APPBP2: variants seen among roughly 807,000 people sequenced by gnomAD.
APPBP2 encodes amyloid beta precursor protein binding protein 2.
Under a neutral mutation model 76.0 loss-of-function variants are expected in APPBP2, and 15 were observed. The ratio of observed to expected loss-of-function variants is 0.20; its 90% CI spans 0.13 to 0.30. The LOEUF (loss-of-function observed/expected upper bound fraction) is 0.30, where lower values mean the gene tolerates loss of function less well. Ranked by LOEUF, APPBP2 falls within the 10% of genes least tolerant of loss-of-function variation. APPBP2 has a pLI of 1.00. For synonymous variants in APPBP2, 222 were observed against 242.2 expected, an observed-to-expected ratio of 0.92 and a Z score of 0.77; for missense variants, 401 against 687.2, an observed-to-expected ratio of 0.58 and a Z score of 4.66.
intron 1 of APPBP2, among the ~76,000 whole-genome samples, chr17:60,503,383 G>T (rs1357064391): frequency 6.9e-6 from 1 of 145,238 alleles, no homozygotes; most frequent in Non-Finnish European, 1.5e-5. Flanking sequence ...TCTAAAAAAT[G>T]CAAAGTAATT....
intron 1 of APPBP2, among the ~76,000 whole-genome samples, chr17:60,520,144 T>C (rs751203927): frequency 6.6e-6 from 1 of 152,132 alleles, no homozygotes; most frequent in Non-Finnish European, 1.5e-5. Context: ...TATGTAGCTA[T>C]ACAACTGAAA....
intron 2 of APPBP2, among the ~76,000 whole-genome samples, chr17:60,500,091 A>G (rs2090810309): frequency 6.6e-6 from 1 of 151,188 alleles, no homozygotes; most frequent in Admixed American, 6.6e-5. Context: ...GGCTCACTGC[A>G]AGCTCCGCCT....
At chr17:60,493,057 G>A (rs2143427940) in intron 3 of APPBP2, among the ~76,000 whole-genome samples, 1 of 152,282 alleles carries the variant, frequency 6.6e-6, no homozygotes, top group African/African-American at 2.4e-5. Context: ...TAAGTCTCAT[G>A]AGAGCTGATG....
At chr17:60,513,303 T>C (rs1442696193) in intron 1 of APPBP2, 2 of 542,086 alleles carry the variant, frequency 3.7e-6, no homozygotes, top group Non-Finnish European at 6.9e-6. Context: ...ATTTGGGAAA[T>C]ATGGACCTAT....
At chr17:60,480,432 T>C (rs1249797039) in intron 3 of APPBP2, among the ~76,000 whole-genome samples, 1 of 152,192 alleles carries the variant, frequency 6.6e-6, no homozygotes, top group African/African-American at 2.4e-5. Context: ...AGTAATGGTA[T>C]ATTACAATAA....
intron 12 of APPBP2, among the ~76,000 whole-genome samples, chr17:60,450,490 T>G (rs1232015358): frequency 6.6e-6 from 1 of 150,534 alleles, no homozygotes; most frequent in Non-Finnish European, 1.5e-5. Context: ...AAGAACTGGC[T>G]GGGCACAGTG....
intron 12 of APPBP2, among the ~76,000 whole-genome samples, chr17:60,450,124 G>C (rs1055312985): frequency 1.3e-5 from 2 of 151,340 alleles, no homozygotes; most frequent in Admixed American, 6.6e-5. Context: ...AATACAAAAA[G>C]TGCTATTCAC....
chr17:60,461,755 A>ACAGGT, intron 8 of APPBP2, 55 bp downstream of exon 8: 1 of 1,321,480 alleles, frequency 7.6e-7, no homozygotes, highest in Non-Finnish European at 1.1e-6. Context: ...ACAAACAAAT[A>ACAGGT]CAGGTCAGCA....
At chr17:60,472,258 T>G (rs1314995526) in intron 4 of APPBP2, among the ~76,000 whole-genome samples, 1 of 152,234 alleles carries the variant, frequency 6.6e-6, no homozygotes, top group Non-Finnish European at 1.5e-5. Context: ...ATTCTTTAAA[T>G]GTTTGATAGA....
At chr17:60,495,480 T>G (rs896459543) in intron 2 of APPBP2, among the ~76,000 whole-genome samples, 3 of 135,626 alleles carry the variant, frequency 2.2e-5, no homozygotes, top group Non-Finnish European at 3.3e-5. Flanking sequence ...ATTTATTTAT[T>G]TATGTTTTAG....
At chr17:60,525,503 C>T (rs2143518148) in intron 1 of APPBP2, among the ~76,000 whole-genome samples, 1 of 152,134 alleles carries the variant, frequency 6.6e-6, no homozygotes, top group African/African-American at 2.4e-5. Context: ...GACAGGGGCG[C>T]GATAGAGTAA....
Position 60,466,393 on chromosome 17 carries a change from C to G in APPBP2, c.570G>C (p.Gln190His). 1 of 1,613,880 alleles carries G rather than the reference C, an allele frequency of 6.2e-7. No homozygotes were observed. The highest frequency in any genetic ancestry group is 8.5e-7 in the Non-Finnish European group (1 of 1,179,998). Residue 190 changes from glutamine (Q) to histidine (H), a missense_variant, in exon 5 of 13, where the codon CAG becomes CAC. Transcript: ENST00000083182. ...GTTTTGATAGTTTATCCATATATGT[C>G]TGAGCTAATTTAAATGTTTCTTCAC... ...HLGEETFKLA[Q>H]TYMDKLSKHG...
At chr17:60,456,856 C>A (rs371962939) in intron 9 of APPBP2, among the ~76,000 whole-genome samples, 9 of 152,144 alleles carry the variant, frequency 5.9e-5, no homozygotes, top group East Asian at 3.8e-4. Context: ...TTACCACTGG[C>A]CGGGTGCAGT....
intron 1 of APPBP2, among the ~76,000 whole-genome samples, chr17:60,521,362 G>C (rs1039423215): frequency 3.3e-5 from 5 of 152,140 alleles, no homozygotes; most frequent in Admixed American, 2.0e-4. Context: ...AACATCTACA[G>C]TAGTGTACAG....
rs760274567 is a variant in APPBP2, at chr17:60,454,290, A to C, written c.1338+12T>G. Reference sequence around the variant, plus strand: ...CTTAAGAGAGAAAAATATAGTAAAAACATGTTTCTACCTTAAATTTTCTCA... The same window carrying C: ...CTTAAGAGAGAAAAATATAGTAAAACCATGTTTCTACCTTAAATTTTCTCA... On this transcript the variant is annotated intron_variant, in intron 11 of 12. Coordinates refer to ENST00000083182, the MANE Select transcript of APPBP2 (RefSeq NM_006380.5). 4.2e-5 allele frequency: 65 copies of C among 1,532,638 alleles called. No homozygotes were observed. Among genetic ancestry groups the C allele is most frequent in the Non-Finnish European group, 5.3e-5 (60 of 1,140,812 alleles). 94.9% of individuals were successfully genotyped at this position (1,532,638 alleles called of 1,614,324 possible).
At chr17:60,503,946 C>T (rs57380446) in intron 1 of APPBP2, among the ~76,000 whole-genome samples, 12,257 of 151,680 alleles carry the variant, frequency 0.081, 1,683 homozygotes, top group African/African-American at 0.28. Flanking sequence ...CCCTATATTG[C>T]CTCTTGAAGA....
chr17:60,462,477 A>G lies in APPBP2; in HGVS notation c.763-416T>C, dbSNP rs1170397208. The G allele has an allele frequency of 1.9e-5, 3 of 160,934 alleles. No individual in the cohort carries two copies. In the East Asian group the frequency reaches 5.5e-4, roughly 29 times the overall value. The allele number at this position is 160,934 out of a possible 1,614,324, so 10.0% of individuals were successfully genotyped here. A position where few individuals can be genotyped will look rare whatever the true frequency, so the allele number is the denominator to read the frequency against. ...TTCATTTAATAATTTTTAAATGCAT[A>G]GAATTTCAAGTTTTCCTATTAATTC... On this transcript the variant is annotated intron_variant, in intron 6 of 12. Transcript: ENST00000083182.
chr17:60,519,805 A>T (rs1271593473), intron 1 of APPBP2, among the ~76,000 whole-genome samples: 2 of 127,470 alleles, frequency 1.6e-5, no homozygotes, highest in Non-Finnish European at 3.1e-5. Context: ...TTTTTTTGAG[A>T]CAAGGTCTCA....
intron 4 of APPBP2, among the ~76,000 whole-genome samples, chr17:60,473,335 A>C (rs2090567066): frequency 6.6e-6 from 1 of 152,178 alleles, no homozygotes; most frequent in Admixed American, 6.5e-5. Context: ...TCTACCCACT[A>C]AGATGAGAAC....
Sources: allele counts gnomAD v4.1 joint callset (sites outside exome capture counted in the v4.1 genomes callset), GRCh38; gene constraint gnomAD v4.1.1; transcripts MANE v1.5; gene names NCBI Gene and HGNC (gene_info 2026-07-23, HGNC 2026-07-21).